GRM7: variants seen among roughly 807,000 people sequenced by gnomAD.
GRM7 encodes metabotropic glutamate receptor 7.
GRM7 carries 35 observed loss-of-function variants against 84.5 expected under a neutral mutation model. That is an observed-to-expected ratio of 0.41 (90% CI 0.32 to 0.55). The LOEUF (loss-of-function observed/expected upper bound fraction) is 0.55, where lower values mean the gene tolerates loss of function less well. GRM7 is among the 20% of genes least tolerant of loss of function. The pLI, the probability that GRM7 is intolerant of heterozygous loss-of-function variation, is 0.19. For synonymous variants in GRM7, 487 were observed against 455.1 expected (o/e 1.07, Z -0.89); for missense variants, 1,003 against 1,194.6 (o/e 0.84, Z 2.36).
At chr3:7,185,321 G>T (rs543105046) in intron 2 of GRM7, among the ~76,000 whole-genome samples, 7 of 152,180 alleles carry the variant, frequency 4.6e-5, no homozygotes. Context: ...AGAAGTGATG[G>T]GGTTTTTTTG....
At chr3:7,523,647 A>C (rs1391379231) in intron 7 of GRM7, among the ~76,000 whole-genome samples, 1 of 152,176 alleles carries the variant, frequency 6.6e-6, no homozygotes, top group Non-Finnish European at 1.5e-5. Flanking sequence ...TGACAATGAT[A>C]TCATCAAGAA....
chr3:7,446,938 A>G (rs762340004), intron 5 of GRM7, among the ~76,000 whole-genome samples: 8 of 152,334 alleles, frequency 5.3e-5, no homozygotes, highest in Middle Eastern at 3.4e-3. Context: ...TAGCATGACC[A>G]TTAGAAATTC....
intron 4 of GRM7, among the ~76,000 whole-genome samples, chr3:7,359,471 A>T (rs1439300039): frequency 1.4e-5 from 2 of 145,650 alleles, no homozygotes; most frequent in Non-Finnish European, 3.0e-5. Flanking sequence ...AGTATCTGGG[A>T]TTACAGGAGT....
intron 9 of GRM7, among the ~76,000 whole-genome samples, chr3:7,706,868 C>T (rs142559677): frequency 6.6e-6 from 1 of 152,216 alleles, no homozygotes; most frequent in South Asian, 2.1e-4. Flanking sequence ...CAACCACCAC[C>T]CTAAATCGCA....
intron 4 of GRM7, among the ~76,000 whole-genome samples, chr3:7,344,860 T>C (rs914730147): frequency 2.6e-5 from 4 of 152,122 alleles, no homozygotes; most frequent in Non-Finnish European, 4.4e-5. Flanking sequence ...TCTGTTGCAC[T>C]TTAGGGTTAC....
At chr3:7,540,206 T>G (rs774323200) in intron 7 of GRM7, among the ~76,000 whole-genome samples, 20 of 152,168 alleles carry the variant, frequency 1.3e-4, no homozygotes, top group Non-Finnish European at 2.6e-4. Flanking sequence ...GATAACCAGA[T>G]GACCCAGCAA....
intron 7 of GRM7, among the ~76,000 whole-genome samples, chr3:7,476,276 C>A (rs1172491332): frequency 6.6e-6 from 1 of 152,118 alleles, no homozygotes; most frequent in Non-Finnish European, 1.5e-5. Flanking sequence ...GGCTGGGCGC[C>A]GTGGCTCACG....
At chr3:7,145,216 C>T (rs1305745357) in intron 1 of GRM7, among the ~76,000 whole-genome samples, 5 of 152,010 alleles carry the variant, frequency 3.3e-5, no homozygotes, top group Non-Finnish European at 7.4e-5. Flanking sequence ...ATCAACTGGC[C>T]TTTGGACACC....
chr3:7,008,905 C>A (rs1695274316), intron 1 of GRM7, among the ~76,000 whole-genome samples: 1 of 152,134 alleles, frequency 6.6e-6, no homozygotes, highest in African/African-American at 2.4e-5. Context: ...TCCTGTCAAA[C>A]TATTTTTTTT....
In GRM7 at chr3:6,885,053, TATA is replaced by T. The variant is rs111489422; in HGVS notation, c.519+23151_519+23153del. Reference sequence around the variant, plus strand: ...CATTAATGAAATAAAGCATTCTTAGTATAATAAGTCTGAGCAGATGAGAATTTA... The same window carrying T: ...CATTAATGAAATAAAGCATTCTTAGTATAAGTCTGAGCAGATGAGAATTTA... On this transcript the variant is annotated intron_variant, in intron 1 of 9. Transcript: ENST00000357716. Among the ~76,000 whole-genome samples the T allele has an allele frequency of 6.4e-3, 981 of 152,300 alleles. 10 individuals are homozygous for T. Among genetic ancestry groups the T allele is most frequent in the African/African-American group, 0.022 (910 of 41,562 alleles).
At chr3:7,318,672 GTATATTCCTGA>G (rs1700667008) in intron 4 of GRM7, among the ~76,000 whole-genome samples, 1 of 151,994 alleles carries the variant, frequency 6.6e-6, no homozygotes, top group African/African-American at 2.4e-5. Flanking sequence ...TTTAGGCTCA[GTATATTCCTGA>G]TATTAGGTGT....
In GRM7 at chr3:7,361,631, A is replaced by G. The variant is rs1002728616; in HGVS notation, c.1034-53392A>G. On this transcript the variant is annotated intron_variant, in intron 4 of 9. Coordinates refer to ENST00000357716, the MANE Select transcript of GRM7 (RefSeq NM_000844.4). Reference sequence around the variant, plus strand: ...AAGTTGGAGCCACTTCAGGAATACTATATCATTCAGGATTCTTTGGTTGAA... The same window carrying G: ...AAGTTGGAGCCACTTCAGGAATACTGTATCATTCAGGATTCTTTGGTTGAA... Among the ~76,000 whole-genome samples, 5 of 152,256 alleles carry G rather than the reference A, an allele frequency of 3.3e-5. No homozygotes were observed. The East Asian group carries it at 5.8e-4, about 18-fold the overall frequency.
chr3:7,168,377 A>C (rs1166398824), intron 2 of GRM7, among the ~76,000 whole-genome samples: 1 of 151,990 alleles, frequency 6.6e-6, no homozygotes, highest in Non-Finnish European at 1.5e-5. Flanking sequence ...AGGCATTTGG[A>C]AGTTGATTAG....
intron 8 of GRM7, among the ~76,000 whole-genome samples, chr3:7,600,969 C>G (rs1049165027): frequency 6.6e-6 from 1 of 151,792 alleles, no homozygotes; most frequent in African/African-American, 2.4e-5. Context: ...CATTGCCACT[C>G]TCTGTGATAC....
chr3:7,512,449 A>G (rs943802289), intron 7 of GRM7, among the ~76,000 whole-genome samples: 1 of 152,224 alleles, frequency 6.6e-6, no homozygotes, highest in Non-Finnish European at 1.5e-5. Context: ...GTGGGTAAAG[A>G]GAATGAGCCC....
chr3:6,911,443 C>T (rs1187798295), intron 1 of GRM7, among the ~76,000 whole-genome samples: 1 of 152,098 alleles, frequency 6.6e-6, no homozygotes, highest in African/African-American at 2.4e-5. Flanking sequence ...AGCCCTTACC[C>T]CTTGACAACT....
At position 7,461,634 on chromosome 3, in the gene GRM7, G is replaced by A. The variant is rs370675167; in HGVS notation, c.1427G>A (p.Arg476His). Residue 476 changes from arginine to histidine, a missense_variant, in exon 7 of 10, where the codon CGT (arginine) becomes CAT (histidine). Arg to His is a conservative substitution (Grantham distance 29). Transcript: ENST00000357716. The part of the protein sequence containing the change: ...MFNKNGDAPG[R>H]YDIFQYQTTN... ...AACAAGAACGGGGATGCACCTGGGCGTTATGACATCTTTCAGTACCAGACC... is the reference window on the plus strand; with the variant it reads ...AACAAGAACGGGGATGCACCTGGGCATTATGACATCTTTCAGTACCAGACC... 8.7e-5 allele frequency: 140 copies of A among 1,612,424 alleles called. No homozygotes were observed. The East Asian group carries it at 1.9e-3, about 22-fold the overall frequency.
At chr3:7,055,503 G>A (rs891007936) in intron 1 of GRM7, among the ~76,000 whole-genome samples, 75 of 148,620 alleles carry the variant, frequency 5.0e-4, no homozygotes, top group African/African-American at 1.8e-3. Context: ...GTGTGTGTGT[G>A]TGTATGTATA....
At chr3:7,037,765 T>C (rs976631893) in intron 1 of GRM7, among the ~76,000 whole-genome samples, 2 of 152,156 alleles carry the variant, frequency 1.3e-5, no homozygotes, top group Non-Finnish European at 2.9e-5. Context: ...AACCTGTTAC[T>C]GCAGCAACAG....
Sources: gnomAD v4.1 joint callset for allele counts (sites outside exome capture counted in the v4.1 genomes callset) on GRCh38, gnomAD v4.1.1 for gene constraint, MANE v1.5 for transcripts, NCBI Gene and HGNC (gene_info 2026-07-23, HGNC 2026-07-21) for gene names.